The following DOCK5 variants were observed in gnomAD, a reference collection of about 807,000 sequenced individuals.
The protein encoded by DOCK5 is dedicator of cytokinesis protein 5.
DOCK5 carries 142 observed loss-of-function variants against 251.8 expected under a neutral mutation model. The observed-to-expected ratio is 0.56, with a 90% confidence interval of 0.49 to 0.65. DOCK5 has a LOEUF of 0.65. DOCK5 is among the 30% of genes least tolerant of loss of function. The probability of loss-of-function intolerance (pLI) is 0.00; values close to 1 mark genes in which losing one functional copy is unlikely to be tolerated. For missense variants in DOCK5, 2,111 were observed against 2,312.3 expected, an observed-to-expected ratio of 0.91 and a Z score of 1.79; for synonymous variants, 842 against 835.5, an observed-to-expected ratio of 1.01 and a Z score of -0.13.
chr8:25,357,898 A>C (rs562010195), intron 27 of DOCK5, among the ~76,000 whole-genome samples: 1 of 152,300 alleles, frequency 6.6e-6, no homozygotes, highest in South Asian at 2.1e-4. Flanking sequence ...CTGTCTAAAA[A>C]ACTAAGTCTA....
intron 1 of DOCK5, 53 bp from the exon 2 acceptor site, chr8:25,243,621 G>GC: frequency 1.3e-6 from 2 of 1,549,402 alleles, no homozygotes; most frequent in South Asian, 2.3e-5. Context: ...GAGCCACCGT[G>GC]CCCAGCCAAG....
At chr8:25,328,208 A>T (rs555883242) in intron 18 of DOCK5, among the ~76,000 whole-genome samples, 6 of 150,960 alleles carry the variant, frequency 4.0e-5, no homozygotes, top group South Asian at 2.1e-4. Context: ...TGTTTTGATT[A>T]AAAAAAAAGA....
At chr8:25,281,338 G>C (rs765243660) in intron 5 of DOCK5, among the ~76,000 whole-genome samples, 26 of 151,390 alleles carry the variant, frequency 1.7e-4, no homozygotes, top group Non-Finnish European at 2.4e-4. Flanking sequence ...TGAGGCAGGA[G>C]AATCGCAGGA....
At chr8:25,354,181 G>A (rs1482027268) in intron 27 of DOCK5, among the ~76,000 whole-genome samples, 1 of 151,860 alleles carries the variant, frequency 6.6e-6, no homozygotes, top group Non-Finnish European at 1.5e-5. Flanking sequence ...ACTAACAGAT[G>A]GAGTGCAATT....
chr8:25,305,462 T>C (rs1804893139), intron 11 of DOCK5, among the ~76,000 whole-genome samples: 1 of 152,052 alleles, frequency 6.6e-6, no homozygotes, highest in Non-Finnish European at 1.5e-5. Flanking sequence ...TATGTGGTAG[T>C]CATGGGAGGG....
At chr8:25,317,548 A>G (rs1805288418) in intron 14 of DOCK5, among the ~76,000 whole-genome samples, 1 of 152,204 alleles carries the variant, frequency 6.6e-6, no homozygotes, top group African/African-American at 2.4e-5. Context: ...AGATGTGCTC[A>G]TCAGAGACTG....
At chr8:25,259,242 G>A (rs898285891) in intron 2 of DOCK5, among the ~76,000 whole-genome samples, 1 of 152,152 alleles carries the variant, frequency 6.6e-6, no homozygotes, top group Non-Finnish European at 1.5e-5. Flanking sequence ...CCATGGCCAA[G>A]CTCACCTGAC....
At chr8:25,334,469 C>G (rs1288375853) in intron 21 of DOCK5, among the ~76,000 whole-genome samples, 3 of 152,120 alleles carry the variant, frequency 2.0e-5, no homozygotes. Context: ...ACCTGCAATT[C>G]CAGCACTTTG....
At chr8:25,291,959 A>G (rs1804500061) in intron 5 of DOCK5, 65 bp from the exon 6 acceptor site, 2 of 1,414,210 alleles carry the variant, frequency 1.4e-6, no homozygotes, top group South Asian at 1.4e-5. Context: ...TAAAAAAAGG[A>G]TGTTCCCATC....
chr8:25,383,392 G>A lies in DOCK5; in HGVS notation c.4131+614G>A, dbSNP rs567947213. On this transcript the variant is annotated intron_variant, in intron 40 of 51. Coordinates refer to ENST00000276440, the MANE Select transcript of DOCK5 (RefSeq NM_024940.8). Reference sequence around the variant, plus strand: ...TTACATTCCTAACAGTGCCTAATGAGACAGTTTATTCATTCAGTCAGTAAA... The same window carrying A: ...TTACATTCCTAACAGTGCCTAATGAAACAGTTTATTCATTCAGTCAGTAAA... Among the ~76,000 whole-genome samples the A allele has an allele frequency of 3.3e-5, 5 of 152,248 alleles. No individual in the cohort carries two copies. In the East Asian group the frequency reaches 7.7e-4, roughly 23 times the overall value.
intron 1 of DOCK5, among the ~76,000 whole-genome samples, chr8:25,230,805 G>T (rs1802649134): frequency 6.6e-6 from 1 of 152,024 alleles, no homozygotes; most frequent in Non-Finnish European, 1.5e-5. Context: ...GAGCCAAGAT[G>T]GTGCCACTGC....
At chr8:25,394,525 A>G (rs1801312807) in intron 44 of DOCK5, among the ~76,000 whole-genome samples, 2 of 147,002 alleles carry the variant, frequency 1.4e-5, no homozygotes. Flanking sequence ...GTATGGTCTG[A>G]ATGCATGGCC....
chr8:25,273,157 C>T (rs933847307), intron 3 of DOCK5, among the ~76,000 whole-genome samples: 1 of 152,126 alleles, frequency 6.6e-6, no homozygotes, highest in East Asian at 1.9e-4. Context: ...CTAGAGCTTC[C>T]GAACTGCAGA....
chr8:25,219,838 C>G (rs1456977743), intron 1 of DOCK5, among the ~76,000 whole-genome samples: 1 of 151,622 alleles, frequency 6.6e-6, no homozygotes, highest in African/African-American at 2.4e-5. Flanking sequence ...TAGGAATCGT[C>G]TTTCCGTTAT....
chr8:25,325,620 A>G, intron 18 of DOCK5, 73 bp downstream of exon 18: 2 of 1,551,808 alleles, frequency 1.3e-6, no homozygotes, highest in Non-Finnish European at 1.7e-6. Flanking sequence ...TTAGGCTCAC[A>G]GGGCTGGACT....
At chr8:25,245,815 C>G (rs1011556981) in intron 2 of DOCK5, among the ~76,000 whole-genome samples, 1 of 152,146 alleles carries the variant, frequency 6.6e-6, no homozygotes, top group Non-Finnish European at 1.5e-5. Flanking sequence ...ACTGGAATTA[C>G]AGGTGTGAGC....
chr8:25,312,888 C>T (rs1262544071), intron 13 of DOCK5, among the ~76,000 whole-genome samples: 4 of 152,030 alleles, frequency 2.6e-5, no homozygotes, highest in Admixed American at 2.0e-4. Flanking sequence ...TGAGATCATG[C>T]CGCTGCACTC....
At chr8:25,219,724 G>A (rs1166315530) in intron 1 of DOCK5, among the ~76,000 whole-genome samples, 5 of 149,310 alleles carry the variant, frequency 3.3e-5, no homozygotes, top group Admixed American at 6.7e-5. Context: ...TTTTTGAGAC[G>A]TTCACAACCA....
chr8:25,384,468 T>A (rs1801128397), intron 40 of DOCK5, among the ~76,000 whole-genome samples: 2 of 109,652 alleles, frequency 1.8e-5, no homozygotes, highest in African/African-American at 6.9e-5. Flanking sequence ...TATTTATTTT[T>A]TTTTTTTTTG....
Sources: gnomAD v4.1 joint callset for allele counts (sites outside exome capture counted in the v4.1 genomes callset) on GRCh38, gnomAD v4.1.1 for gene constraint, MANE v1.5 for transcripts, NCBI Gene and HGNC (gene_info 2026-07-23, HGNC 2026-07-21) for gene names.